The following UBA3 variants were observed in gnomAD, a reference collection of about 807,000 sequenced individuals.
UBA3 encodes the protein NEDD8-activating enzyme E1 catalytic subunit.
In UBA3, 26 loss-of-function variants were observed where a neutral mutation model predicts 73.5. The observed-to-expected ratio is 0.35, with a 90% CI of 0.26 to 0.49. The LOEUF is 0.49. UBA3 is among the 20% of genes least tolerant of loss of function. The pLI is 0.98. For synonymous variants in UBA3, 217 were observed against 191.2 expected (o/e 1.13, Z -1.11); for missense variants, 495 against 555.6 (o/e 0.89, Z 1.10).
At position 69,064,073 on chromosome 3, in the gene UBA3, T is replaced by C. The variant is rs758067399; in HGVS notation, c.467A>G (p.Tyr156Cys). The C allele has an allele frequency of 1.7e-4, 270 of 1,603,338 alleles. No individual in the cohort carries two copies. The highest frequency in any genetic ancestry group is 2.3e-4 in the Non-Finnish European group (267 of 1,176,208). ...ATTTCAAGTAAAAAACTTACGTCGA[T>C]AGAAAGTGTCGTTAAAATCTTGAAT... is the stretch of plus-strand genomic sequence containing the variant. ...NKIQDFNDTF[Y>C]RQFHIIVCGL... Residue 156 changes from tyrosine (Y) to cysteine (C), a missense_variant, in exon 7 of 18, where the codon TAT becomes TGT. Transcript: ENST00000361055.
chr3:69,060,361 G>T (rs898043978), intron 11 of UBA3, among the ~76,000 whole-genome samples: 10 of 151,226 alleles, frequency 6.6e-5, no homozygotes, highest in Admixed American at 5.3e-4. Flanking sequence ...TTGCATATGT[G>T]GACAAAACAT....
chr3:69,068,219 C>A (rs1418102872), intron 5 of UBA3, among the ~76,000 whole-genome samples: 1 of 152,118 alleles, frequency 6.6e-6, no homozygotes, highest in African/African-American at 2.4e-5. Flanking sequence ...TCCAAATTAA[C>A]ATAAGTCTAA....
At chr3:69,068,066 C>T in intron 5 of UBA3, 58 bp from the exon 6 acceptor site, 1 of 1,126,678 alleles carries the variant, frequency 8.9e-7, no homozygotes, top group Non-Finnish European at 1.2e-6. Flanking sequence ...ATCTACATAA[C>T]TTATTTTCAA....
intron 9 of UBA3, 122 bp from the exon 10 acceptor site, chr3:69,062,301 C>T (rs377413079): frequency 1.0e-5 from 7 of 683,382 alleles, no homozygotes; most frequent in South Asian, 3.8e-5. Flanking sequence ...ATATTGTATA[C>T]CATTAAAAAT....
At chr3:69,063,326 A>T in intron 8 of UBA3, 113 bp downstream of exon 8, 1 of 1,267,422 alleles carries the variant, frequency 7.9e-7, no homozygotes, top group Non-Finnish European at 1.1e-6. Flanking sequence ...AAGTAAATAT[A>T]CTTAATTAAA....
intron 11 of UBA3, among the ~76,000 whole-genome samples, chr3:69,058,665 C>CA (rs995158394): frequency 2.6e-5 from 4 of 152,174 alleles, no homozygotes; most frequent in Non-Finnish European, 2.9e-5. Context: ...GTGTAAGAGA[C>CA]ACTGCCCAGT....
chr3:69,077,272 T>TA (rs2092176008), intron 3 of UBA3: 1 of 152,098 alleles, frequency 6.6e-6, no homozygotes, highest in South Asian at 2.1e-4. Context: ...CAAAAGCACA[T>TA]AAAGATGTGC....
intron 11 of UBA3, among the ~76,000 whole-genome samples, chr3:69,058,643 A>T (rs2091997027): frequency 6.6e-6 from 1 of 152,236 alleles, no homozygotes; most frequent in African/African-American, 2.4e-5. Flanking sequence ...TGGTAGACAC[A>T]AACAGTGAAG....
rs137972832 is a variant in UBA3, at chr3:69,055,877, C to T, written c.1277G>A (p.Arg426Lys). The T allele has an allele frequency of 3.7e-5, 59 of 1,612,414 alleles. No homozygotes were observed. Among genetic ancestry groups the T allele is most frequent in the Non-Finnish European group, 4.9e-5 (58 of 1,179,360 alleles). ...TTTCAATGTTTTGGAGAGATTTGGC[C>T]TTGTTCGTTCTTCAATAGAGGTTAC... ...QSVTSIEERT[R>K]PNLSKTLKEL... Residue 426 changes from arginine (R) to lysine (K), a missense_variant, in exon 17 of 18, where the codon AGG (arginine) becomes AAG (lysine). Coordinates refer to ENST00000361055, the MANE Select transcript of UBA3 (RefSeq NM_003968.4).
intron 11 of UBA3, among the ~76,000 whole-genome samples, chr3:69,060,366 A>T (rs993795273): frequency 3.3e-5 from 5 of 152,192 alleles, no homozygotes; most frequent in Non-Finnish European, 5.9e-5. Context: ...TATGTGGACA[A>T]AACATCCAGC....
At position 69,057,305 on chromosome 3, in the gene UBA3, T is replaced by A. The variant is rs1486644772; in HGVS notation, c.915A>T (p.Val305=). 1.2e-6 allele frequency: 2 copies of A among 1,609,484 alleles called. No individual in the cohort carries two copies. Among genetic ancestry groups the A allele is most frequent in the Admixed American group, 1.7e-5 (1 of 59,052 alleles). The part of the protein sequence containing the change: ...RGVTYRLTQG[V]VKRIIPAVAS... ...CTACTGCAGGAATGATTCTTTTTACTACCCCTGAAAAAACATATCAATTAA... is the reference window on the plus strand; with the variant it reads ...CTACTGCAGGAATGATTCTTTTTACAACCCCTGAAAAAACATATCAATTAA... Residue 305 remains valine (V), a synonymous_variant, in exon 12 of 18, where the codon GTA becomes GTT. Coordinates refer to ENST00000361055, the MANE Select transcript of UBA3 (RefSeq NM_003968.4).
chr3:69,068,197 C>A (rs1472712902), intron 5 of UBA3, among the ~76,000 whole-genome samples, 189 bp from the exon 6 acceptor site: 2 of 151,962 alleles, frequency 1.3e-5, no homozygotes, highest in South Asian at 2.1e-4. Flanking sequence ...AAATGTCAAC[C>A]CTTGCTAATG....
chr3:69,057,133 T>C lies in UBA3; in HGVS notation c.964+123A>G, dbSNP rs188286106. Reference sequence around the variant, plus strand: ...GCAAAGTCTAATAACTGGTTCTTTTTCGACAGCTTAGTTACACAACCCATC... The same window carrying C: ...GCAAAGTCTAATAACTGGTTCTTTTCCGACAGCTTAGTTACACAACCCATC... On this transcript the variant is annotated intron_variant, in intron 12 of 17. Coordinates refer to ENST00000361055, the MANE Select transcript of UBA3 (RefSeq NM_003968.4). The C allele has an allele frequency of 2.2e-4, 227 of 1,049,538 alleles. 2 individuals are homozygous for C. In the Admixed American group the frequency reaches 5.3e-3, roughly 24 times the overall value. 65.0% of individuals were successfully genotyped at this position (1,049,538 alleles called of 1,614,324 possible).
In UBA3 at chr3:69,056,291, C is replaced by T. The variant is rs1234611022; in HGVS notation, c.1084-8G>A. On this transcript the variant is annotated splice_region_variant and splice_polypyrimidine_tract_variant and intron_variant, in intron 14 of 17. Transcript: ENST00000361055. ...ACAAGCTGGGCAGTTTTCCTACACA[C>T]ATAATACACAACAAATTACAGCAGC... 3 of 1,569,330 alleles carry T rather than the reference C, an allele frequency of 1.9e-6. No individual in the cohort carries two copies. Among genetic ancestry groups the T allele is most frequent in the Non-Finnish European group, 2.6e-6 (3 of 1,161,268 alleles).
intron 2 of UBA3, 117 bp downstream of exon 2, chr3:69,079,995 T>A: frequency 1.0e-6 from 1 of 955,816 alleles, no homozygotes; most frequent in Non-Finnish European, 1.5e-6. Context: ...CAGCGCGGCC[T>A]GCGCTCCGGG....
chr3:69,056,098 A>C, intron 15 of UBA3, 35 bp from the exon 16 acceptor site: 1 of 1,565,262 alleles, frequency 6.4e-7, no homozygotes, highest in Non-Finnish European at 8.6e-7. Flanking sequence ...TATCAAACAT[A>C]ATTTTTATCA....
chr3:69,056,189 G>T lies in UBA3; in HGVS notation c.1178C>A (p.Ala393Asp). The T allele has an allele frequency of 6.3e-7, 1 of 1,582,754 alleles. No individual in the cohort carries two copies. Among genetic ancestry groups the T allele is most frequent in the Non-Finnish European group, 8.5e-7 (1 of 1,170,250 alleles). ...AAAAATCTACAATACTTACAGAGAAGCACTATTGGTTAGATAATCCAAAAC... is the reference window on the plus strand; with the variant it reads ...AAAAATCTACAATACTTACAGAGAATCACTATTGGTTAGATAATCCAAAAC... ...QEVLDYLTNS[A>D]SLQMKSPAIT... is the part of the protein sequence containing the mutation. The change falls in exon 15 of 18, where the codon GCT becomes GAT. Residue 393 changes from alanine to aspartate, a missense_variant. Transcript: ENST00000361055.
chr3:69,077,757 A>G (rs889744493), intron 3 of UBA3, 41 bp downstream of exon 3: 1 of 1,552,620 alleles, frequency 6.4e-7, no homozygotes, highest in Non-Finnish European at 8.7e-7. Flanking sequence ...TTTGAAACAT[A>G]AAACTATTAG....
Position 69,061,858 on chromosome 3 carries a change from G to C in UBA3, c.866C>G (p.Ala289Gly). The C allele has an allele frequency of 6.2e-7, 1 of 1,610,798 alleles. No homozygotes were observed. Among genetic ancestry groups the C allele is most frequent in the Non-Finnish European group, 8.5e-7 (1 of 1,178,784 alleles). Residue 289 changes from alanine to glycine, a missense_variant, in exon 11 of 18, where the codon GCA becomes GGA. By Grantham distance (60) the Ala-to-Gly change is moderately conservative (BLOSUM62 0). Transcript: ENST00000361055. ...QWIFQKSLER[A>G]SQYNIRGVTY... ...AACACCCCTAATATTATATTGTGATGCTCTCTCTAGGGATTTTTGGAAAAT... is the reference window on the plus strand; with the variant it reads ...AACACCCCTAATATTATATTGTGATCCTCTCTCTAGGGATTTTTGGAAAAT...
Sources: gnomAD v4.1 joint callset for allele counts (sites outside exome capture counted in the v4.1 genomes callset) on GRCh38, gnomAD v4.1.1 for gene constraint, MANE v1.5 for transcripts, NCBI Gene and HGNC (gene_info 2026-07-23, HGNC 2026-07-21) for gene names.